The following PSMA3 variants were observed in gnomAD, a reference collection of about 807,000 sequenced individuals.
PSMA3 encodes the protein proteasome 20S subunit alpha 3.
In PSMA3, 8 loss-of-function variants were observed where a neutral mutation model predicts 40.0. The ratio of observed to expected loss-of-function variants is 0.20; its 90% CI spans 0.12 to 0.36. PSMA3 has a LOEUF of 0.36. Among genes scored for constraint, PSMA3 ranks in the 10% least tolerant of loss-of-function variants. The pLI, the probability that PSMA3 is intolerant of heterozygous loss-of-function variation, is 1.00. For synonymous variants in PSMA3, 110 were observed against 100.0 expected (o/e 1.10, Z -0.59); for missense variants, 219 against 310.6 (o/e 0.70, Z 2.22).
At chr14:58,270,352 T>C (rs1173305664) in intron 8 of PSMA3, 66 bp from the exon 9 acceptor site, 1 of 1,596,710 alleles carries the variant, frequency 6.3e-7, no homozygotes, top group Non-Finnish European at 8.5e-7. Context: ...GTACTGACTT[T>C]GGGTCTGTGA....
chr14:58,248,709 C>G (rs552623265), intron 2 of PSMA3, among the ~76,000 whole-genome samples: 54 of 151,816 alleles, frequency 3.6e-4, no homozygotes, highest in Middle Eastern at 3.4e-3. Context: ...AATCCCAGCA[C>G]TTTGGGAGGC....
rs762317698 is a variant in PSMA3 at position 58,244,904 on chromosome 14, C to T, written c.-17C>T. On this transcript the variant is annotated 5_prime_UTR_variant, in exon 1 of 11. Transcript: ENST00000216455. ...TCCGGGCCTGGAATCCCTACGCGTC[C>T]CTTTGGGTTTAGCACGATGAGCTCA... 5 of 1,613,992 alleles carry T rather than the reference C, an allele frequency of 3.1e-6. No homozygotes were observed. Among genetic ancestry groups the T allele is most frequent in the Non-Finnish European group, 4.2e-6 (5 of 1,180,012 alleles).
In PSMA3 at chr14:58,244,937, C is replaced by T; in HGVS notation, c.17C>T (p.Thr6Ile). 1 of 1,614,176 alleles carries T rather than the reference C, an allele frequency of 6.2e-7. No homozygotes were observed. MSSIG[T>I]GYDLSASTFS... ...TTTAGCACGATGAGCTCAATCGGCA[C>T]TGGGGTGAGTTCGCTGTCTGTCGGT... is the stretch of plus-strand genomic sequence containing the variant. Residue 6 changes from threonine to isoleucine, a missense_variant, in exon 1 of 11, where the codon ACT becomes ATT. By Grantham distance (89) the Thr-to-Ile change is moderately conservative. Coordinates refer to ENST00000216455, the MANE Select transcript of PSMA3 (RefSeq NM_002788.4).
intron 3 of PSMA3, among the ~76,000 whole-genome samples, chr14:58,257,101 CAAAAAAA>C (rs60421135): frequency 9.6e-6 from 1 of 104,702 alleles, no homozygotes; most frequent in African/African-American, 3.8e-5. Flanking sequence ...GACTCTGTCT[CAAAAAAA>C]AAAAAAAAAA....
intron 2 of PSMA3, among the ~76,000 whole-genome samples, chr14:58,250,953 G>A (rs1889998061): frequency 6.6e-6 from 1 of 152,122 alleles, no homozygotes; most frequent in Admixed American, 6.6e-5. Flanking sequence ...GCTCAACATG[G>A]AGGATGTAGA....
chr14:58,253,790 C>T (rs1298378289), intron 3 of PSMA3, among the ~76,000 whole-genome samples: 5 of 152,110 alleles, frequency 3.3e-5, no homozygotes, highest in Non-Finnish European at 5.9e-5. Flanking sequence ...GACGGGGTTT[C>T]ACCATGTTGG....
At chr14:58,259,001 G>A (rs1453142893) in intron 5 of PSMA3, among the ~76,000 whole-genome samples, 1 of 152,078 alleles carries the variant, frequency 6.6e-6, no homozygotes, top group African/African-American at 2.4e-5. Flanking sequence ...GTGCCATCAT[G>A]GCTGACTGCA....
At chr14:58,267,657 T>G (rs1890486143) in intron 8 of PSMA3, 137 bp downstream of exon 8, 3 of 1,260,766 alleles carry the variant, frequency 2.4e-6, no homozygotes, top group Middle Eastern at 2.2e-4. Context: ...TTTAACATTC[T>G]AAGAAGCCTC....
chr14:58,248,731 G>A (rs1054192751), intron 2 of PSMA3, among the ~76,000 whole-genome samples: 7 of 151,178 alleles, frequency 4.6e-5, no homozygotes, highest in South Asian at 2.1e-4. Context: ...GAGGCGGGCG[G>A]ATCACCTGAG....
At chr14:58,263,183 C>T (rs775722561) in intron 6 of PSMA3, among the ~76,000 whole-genome samples, 4 of 151,956 alleles carry the variant, frequency 2.6e-5, no homozygotes, top group Non-Finnish European at 5.9e-5. Context: ...CAGGGTTTTA[C>T]AATGTTGGCC....
intron 6 of PSMA3, among the ~76,000 whole-genome samples, chr14:58,262,735 GTAT>G (rs1293949193): frequency 6.6e-6 from 1 of 150,914 alleles, no homozygotes; most frequent in Non-Finnish European, 1.5e-5. Context: ...GCTAATTTTT[GTAT>G]TTTTAGTAGA....
At chr14:58,252,083 T>A (rs1890024014) in intron 2 of PSMA3, 36 bp from the exon 3 acceptor site, 1 of 1,560,098 alleles carries the variant, frequency 6.4e-7, no homozygotes, top group Non-Finnish European at 8.6e-7. Context: ...TCTTTTATTT[T>A]CAGTTAAAAA....
chr14:58,251,178 ATTG>A (rs1890002767), intron 2 of PSMA3, among the ~76,000 whole-genome samples: 1 of 152,202 alleles, frequency 6.6e-6, no homozygotes, highest in Non-Finnish European at 1.5e-5. Context: ...TTTTGTCTCT[ATTG>A]TTTCCGATCA....
chr14:58,251,506 T>G (rs545281240), intron 2 of PSMA3, among the ~76,000 whole-genome samples: 1 of 152,316 alleles, frequency 6.6e-6, no homozygotes, highest in East Asian at 1.9e-4. Flanking sequence ...GCTTAAAAGA[T>G]CCTCCTGCCT....
intron 5 of PSMA3, among the ~76,000 whole-genome samples, chr14:58,259,447 A>G (rs1053487773): frequency 6.6e-6 from 1 of 151,924 alleles, no homozygotes; most frequent in Non-Finnish European, 1.5e-5. Flanking sequence ...CCTGAGTAGC[A>G]GGGATTACAA....
At position 58,248,125 on chromosome 14, in the gene PSMA3, C is replaced by T. The variant is rs571174230; in HGVS notation, c.104+293C>T. On this transcript the variant is annotated intron_variant, in intron 2 of 10. Coordinates refer to ENST00000216455, the MANE Select transcript of PSMA3 (RefSeq NM_002788.4). ...TCTTGATTTGTATCATAGGCTTCCT[C>T]AGCCATTAGGTTTGTGACCTTGTTA... Among the ~76,000 whole-genome samples, 13 of 152,332 alleles carry T rather than the reference C, an allele frequency of 8.5e-5. No homozygotes were observed. The East Asian group carries it at 2.5e-3, about 29-fold the overall frequency.
At chr14:58,258,148 C>A in intron 5 of PSMA3, 150 bp downstream of exon 5, 1 of 604,148 alleles carries the variant, frequency 1.7e-6, no homozygotes, top group Non-Finnish European at 2.8e-6. Flanking sequence ...TACATAGAAA[C>A]TACTTGAGGC....
At chr14:58,267,416 T>C in intron 7 of PSMA3, 58 bp from the exon 8 acceptor site, 2 of 1,408,692 alleles carry the variant, frequency 1.4e-6, no homozygotes, top group Non-Finnish European at 1.9e-6. Flanking sequence ...GTGAAAATAG[T>C]TATTACACAA....
At chr14:58,264,484 G>C (rs919037758) in intron 7 of PSMA3, among the ~76,000 whole-genome samples, 6 of 152,144 alleles carry the variant, frequency 3.9e-5, no homozygotes, top group African/African-American at 1.4e-4. Context: ...CATGGATACT[G>C]TTTCAATATT....
Sources: gnomAD v4.1 joint callset for allele counts (sites outside exome capture counted in the v4.1 genomes callset) on GRCh38, gnomAD v4.1.1 for gene constraint, MANE v1.5 for transcripts, NCBI Gene and HGNC (gene_info 2026-07-23, HGNC 2026-07-21) for gene names.